The following MLLT3 variants were observed in gnomAD, a reference collection of about 807,000 sequenced individuals.
MLLT3 encodes the protein protein AF-9.
In MLLT3, 4 loss-of-function variants were observed where a neutral mutation model predicts 53.2. That is an observed-to-expected ratio of 0.08 (90% confidence interval 0.04 to 0.17). The LOEUF is 0.17. MLLT3 is among the 10% of genes least tolerant of loss of function. The probability of loss-of-function intolerance (pLI) is 1.00; values close to 1 mark genes in which losing one functional copy is unlikely to be tolerated. For synonymous variants in MLLT3, 283 were observed against 230.6 expected (o/e 1.23, Z -2.06); for missense variants, 569 against 684.0 (o/e 0.83, Z 1.87).
intron 2 of MLLT3, among the ~76,000 whole-genome samples, chr9:20,493,600 G>A (rs1209253640): frequency 6.6e-6 from 1 of 151,942 alleles, no homozygotes; most frequent in Non-Finnish European, 1.5e-5. Context: ...GGAAGATAAA[G>A]AATCCACTTA....
At chr9:20,415,997 G>A (rs1173146550) in intron 4 of MLLT3, among the ~76,000 whole-genome samples, 1 of 151,700 alleles carries the variant, frequency 6.6e-6, no homozygotes, top group African/African-American at 2.4e-5. Context: ...GCAAAGACTT[G>A]TTTTTATGCA....
chr9:20,597,841 G>A (rs1388028476), intron 2 of MLLT3, among the ~76,000 whole-genome samples: 1 of 152,176 alleles, frequency 6.6e-6, no homozygotes, highest in Non-Finnish European at 1.5e-5. Context: ...CCATTCTATA[G>A]AAGCTTACTA....
chr9:20,370,387 T>TGTCAATCACCAACTC (rs1821568224), intron 5 of MLLT3, among the ~76,000 whole-genome samples: 1 of 152,124 alleles, frequency 6.6e-6, no homozygotes, highest in Non-Finnish European at 1.5e-5. Context: ...TCCACCAACC[T>TGTCAATCACCAACTC]GTCAATCACC....
At chr9:20,616,525 C>A (rs757556449) in intron 2 of MLLT3, among the ~76,000 whole-genome samples, 1 of 152,096 alleles carries the variant, frequency 6.6e-6, no homozygotes, top group Non-Finnish European at 1.5e-5. Context: ...AACCTCCCAT[C>A]ACCACCACAA....
At chr9:20,556,167 T>G (rs1819052561) in intron 2 of MLLT3, among the ~76,000 whole-genome samples, 1 of 152,230 alleles carries the variant, frequency 6.6e-6, no homozygotes, top group Non-Finnish European at 1.5e-5. Flanking sequence ...AGAAATATTT[T>G]TATTTTTTAT....
At chr9:20,468,951 T>A (rs540398002) in intron 2 of MLLT3, among the ~76,000 whole-genome samples, 104 of 152,302 alleles carry the variant, frequency 6.8e-4, no homozygotes, top group Admixed American at 2.8e-3. Context: ...TTGAATTGTT[T>A]TAAATATATT....
rs554412835 is a variant in MLLT3 at position 20,451,137 on chromosome 9, G to A, written c.277-2871C>T. On this transcript the variant is annotated intron_variant, in intron 3 of 10. Coordinates refer to ENST00000380338, the MANE Select transcript of MLLT3 (RefSeq NM_004529.4). ...GACTTTGAAAGGCATATTGCTAACT[G>A]AATTAAAGGCAAGTCACAGAAAAAT... Among the ~76,000 whole-genome samples the A allele has an allele frequency of 2.0e-5, 3 of 152,228 alleles. No homozygotes were observed. In the South Asian group the frequency reaches 6.2e-4, roughly 32 times the overall value.
Position 20,568,095 on chromosome 9 carries a change from T to C in MLLT3, c.193+52559A>G, listed in dbSNP as rs141349460. Among the ~76,000 whole-genome samples the C allele has an allele frequency of 5.6e-4, 85 of 152,320 alleles. 2 individuals are homozygous for C. In the East Asian group the frequency reaches 0.014, roughly 26 times the overall value. On this transcript the variant is annotated intron_variant, in intron 2 of 10. Coordinates refer to ENST00000380338, the MANE Select transcript of MLLT3 (RefSeq NM_004529.4). The stretch of plus-strand genomic sequence containing the variant: ...ATAAATAAAGTAAAAGAGGGGTGTG[T>C]GTATGTGTGTTAGAAACTGTGATAC...
At chr9:20,473,865 A>G (rs1824456050) in intron 2 of MLLT3, among the ~76,000 whole-genome samples, 1 of 152,156 alleles carries the variant, frequency 6.6e-6, no homozygotes, top group Non-Finnish European at 1.5e-5. Flanking sequence ...TTATTATGCA[A>G]CTTGTAAATT....
chr9:20,365,140 T>TC (rs1821417691), intron 6 of MLLT3, among the ~76,000 whole-genome samples: 1 of 152,208 alleles, frequency 6.6e-6, no homozygotes, highest in South Asian at 2.1e-4. Context: ...GTGTCTATAA[T>TC]CCTTTTGTAG....
intron 2 of MLLT3, among the ~76,000 whole-genome samples, chr9:20,608,249 A>G (rs1364101056): frequency 6.6e-6 from 1 of 151,968 alleles, no homozygotes; most frequent in Non-Finnish European, 1.5e-5. Flanking sequence ...TATCTAAGCA[A>G]CATGATGACA....
chr9:20,560,929 C>G (rs1251892298), intron 2 of MLLT3, among the ~76,000 whole-genome samples: 1 of 152,116 alleles, frequency 6.6e-6, no homozygotes, highest in Non-Finnish European at 1.5e-5. Context: ...CATTTCAAAT[C>G]CTCTCTTCTA....
chr9:20,567,021 C>G (rs1021594720), intron 2 of MLLT3, among the ~76,000 whole-genome samples: 4 of 151,900 alleles, frequency 2.6e-5, no homozygotes, highest in African/African-American at 9.7e-5. Flanking sequence ...GTCCAGCAAC[C>G]GCATATAGGA....
intron 2 of MLLT3, among the ~76,000 whole-genome samples, chr9:20,618,357 C>A (rs1187926651): frequency 6.6e-6 from 1 of 152,072 alleles, no homozygotes; most frequent in African/African-American, 2.4e-5. Context: ...AAATAAGTCC[C>A]AGGATTAAGT....
chr9:20,480,830 T>C (rs1210533584), intron 2 of MLLT3, among the ~76,000 whole-genome samples: 2 of 152,218 alleles, frequency 1.3e-5, no homozygotes, highest in Non-Finnish European at 2.9e-5. Context: ...AGGTATATAG[T>C]AGATGCTCAG....
In MLLT3 at chr9:20,448,071, T is replaced by C; in HGVS notation, c.420+52A>G. The C allele has an allele frequency of 6.7e-7, 1 of 1,481,930 alleles. No individual in the cohort carries two copies. The highest frequency in any genetic ancestry group is 9.2e-7 in the Non-Finnish European group (1 of 1,091,116). 91.8% of individuals were successfully genotyped at this position (1,481,930 alleles called of 1,614,324 possible). On this transcript the variant is annotated intron_variant, in intron 4 of 10. Coordinates refer to ENST00000380338, the MANE Select transcript of MLLT3 (RefSeq NM_004529.4). This position sits in a 1 kb window ranked among gnomAD's most constrained non-coding sequence, Gnocchi z 4.0. ...GAACTAGTTTGTTTGTTTTTTTTTT[T>C]GTTGTTGTTGTTTTTTAATAGGAAT...
chr9:20,561,347 A>C (rs1819205193), intron 2 of MLLT3, among the ~76,000 whole-genome samples: 1 of 152,158 alleles, frequency 6.6e-6, no homozygotes, highest in African/African-American at 2.4e-5. Context: ...CAAACTCTTC[A>C]TTCTGAAGAC....
chr9:20,357,407 G>C (rs530549619), intron 8 of MLLT3, among the ~76,000 whole-genome samples: 1 of 152,332 alleles, frequency 6.6e-6, no homozygotes, highest in South Asian at 2.1e-4. Context: ...GAGAAGCAGA[G>C]CTACCTAGAC....
intron 5 of MLLT3, among the ~76,000 whole-genome samples, chr9:20,408,861 A>G (rs1340777237): frequency 6.6e-6 from 1 of 152,268 alleles, no homozygotes; most frequent in East Asian, 1.9e-4. Flanking sequence ...AAACAACAAA[A>G]GAAGGGAAGT....
Sources: gnomAD v4.1 joint callset for allele counts (sites outside exome capture counted in the v4.1 genomes callset) on GRCh38, gnomAD v4.1.1 for gene constraint, Gnocchi (gnomAD v3.1) non-coding constraint, MANE v1.5 for transcripts, NCBI Gene and HGNC (gene_info 2026-07-23, HGNC 2026-07-21) for gene names.